CDH6: variants seen among roughly 807,000 people sequenced by gnomAD.
CDH6 encodes cadherin 6, also known as cadherin-6.
In CDH6, 31 loss-of-function variants were observed where a neutral mutation model predicts 78.0. The observed-to-expected ratio is 0.40, with a 90% CI of 0.30 to 0.54. The LOEUF (loss-of-function observed/expected upper bound fraction) is 0.54. Among genes scored for constraint, CDH6 ranks in the 20% least tolerant of loss-of-function variants. The pLI is 0.56. For missense variants in CDH6, 724 were observed against 975.9 expected (o/e 0.74, Z 3.44); for synonymous variants, 376 against 368.8 (o/e 1.02, Z -0.23).
chr5:31,309,556 C>T (rs1738086618), intron 7 of CDH6, among the ~76,000 whole-genome samples: 1 of 151,270 alleles, frequency 6.6e-6, no homozygotes, highest in Admixed American at 6.6e-5. Context: ...GTTTTTTTTT[C>T]TAATGGCCTT....
At chr5:31,235,143 C>A (rs1008967543) in intron 1 of CDH6, among the ~76,000 whole-genome samples, 2 of 151,224 alleles carry the variant, frequency 1.3e-5, no homozygotes, top group Non-Finnish European at 2.9e-5. Context: ...ATCACCCATT[C>A]AATCCTAGAT....
rs531316138 is a variant in CDH6 at position 31,328,436 on chromosome 5, G to A, written c.*5128G>A. The A allele has an allele frequency of 3.2e-4, 66 of 205,464 alleles. No individual in the cohort carries two copies. The highest frequency in any genetic ancestry group is 5.4e-4 in the Non-Finnish European group (54 of 100,344). The allele number at this position is 205,464 out of a possible 1,614,324, so 12.7% of individuals were successfully genotyped here. On this transcript the variant is annotated 3_prime_UTR_variant, in exon 12 of 12. Transcript: ENST00000265071. Reference sequence around the variant, plus strand: ...AAATGTATAGAATTACCAGGCATTCGTGGGGAATGCTGTGTAGCAAATGTA... The same window carrying A: ...AAATGTATAGAATTACCAGGCATTCATGGGGAATGCTGTGTAGCAAATGTA...
Position 31,323,879 on chromosome 5 carries a change from T to G in CDH6, c.*571T>G, listed in dbSNP as rs939329547. 4.4e-6 allele frequency: 1 copy of G among 229,700 alleles called. No individual in the cohort carries two copies. Among genetic ancestry groups the G allele is most frequent in the Non-Finnish European group, 8.6e-6 (1 of 115,880 alleles). The allele number at this position is 229,700 out of a possible 1,614,324, so 14.2% of individuals were successfully genotyped here. A position where few individuals can be genotyped will look rare whatever the true frequency, so the allele number is the denominator to read the frequency against. The stretch of plus-strand genomic sequence containing the variant: ...ATTCAAAACCTCAAATCCACCCATA[T>G]GTTAAAATTCTCATTACTCTTAAGG... On this transcript the variant is annotated 3_prime_UTR_variant, in exon 12 of 12. Coordinates refer to ENST00000265071, the MANE Select transcript of CDH6 (RefSeq NM_004932.4).
intron 5 of CDH6, 51 bp downstream of exon 5, chr5:31,299,682 G>T (rs774413104): frequency 6.8e-7 from 1 of 1,471,768 alleles, no homozygotes; most frequent in Non-Finnish European, 9.4e-7. Flanking sequence ...TATAAAACTC[G>T]AACTTTAAGA....
intron 1 of CDH6, among the ~76,000 whole-genome samples, chr5:31,202,674 T>C (rs1244905149): frequency 6.8e-6 from 1 of 147,196 alleles, no homozygotes; most frequent in Non-Finnish European, 1.5e-5. Context: ...TATATATATA[T>C]GCAACTGTAT....
chr5:31,254,232 T>G (rs1229011700), intron 1 of CDH6, among the ~76,000 whole-genome samples: 1 of 152,258 alleles, frequency 6.6e-6, no homozygotes, highest in Admixed American at 6.5e-5. Flanking sequence ...TTTTATATTT[T>G]AATGCCCTAA....
At chr5:31,313,289 C>A in intron 7 of CDH6, 29 bp from the exon 8 acceptor site, 1 of 1,586,470 alleles carries the variant, frequency 6.3e-7, no homozygotes, top group South Asian at 1.1e-5. Flanking sequence ...GAAAGAAAAG[C>A]CTTTCTTAAT....
At chr5:31,316,041 C>A (rs964867329) in intron 8 of CDH6, among the ~76,000 whole-genome samples, 167 bp from the exon 9 acceptor site, 3 of 152,206 alleles carry the variant, frequency 2.0e-5, no homozygotes, top group Non-Finnish European at 4.4e-5. Flanking sequence ...ATGTACCAAA[C>A]AATCTAATTG....
chr5:31,196,341 AG>A (rs1158607972), intron 1 of CDH6, among the ~76,000 whole-genome samples: 2 of 152,256 alleles, frequency 1.3e-5, no homozygotes, highest in Admixed American at 1.3e-4. Context: ...TCTGAAAATT[AG>A]GACTAATTGA....
intron 2 of CDH6, among the ~76,000 whole-genome samples, chr5:31,275,183 G>A (rs1182046140): frequency 1.3e-5 from 2 of 152,094 alleles, no homozygotes; most frequent in Admixed American, 6.6e-5. Flanking sequence ...TCAAAATCAA[G>A]ATCTCTAATT....
At position 31,319,819 on chromosome 5, in the gene CDH6, A is replaced by G. The variant is rs566582500; in HGVS notation, c.1882+1895A>G. ...CAACAGTAAAAACAACTAGACAACT[A>G]CTACATCTCATGTCTTATGGTGCCT... On this transcript the variant is annotated intron_variant, in intron 11 of 11. Coordinates refer to ENST00000265071, the MANE Select transcript of CDH6 (RefSeq NM_004932.4). Among the ~76,000 whole-genome samples, 173 of 152,238 alleles carry G rather than the reference A, an allele frequency of 1.1e-3. 1 individual carries two copies. The highest frequency in any genetic ancestry group is 3.1e-3 in the Admixed American group (47 of 15,288).
chr5:31,209,277 G>A (rs1028190796), intron 1 of CDH6, among the ~76,000 whole-genome samples: 4 of 152,130 alleles, frequency 2.6e-5, no homozygotes, highest in African/African-American at 9.7e-5. Context: ...AGGAAAAGGA[G>A]TAGAAACTAC....
Position 31,287,638 on chromosome 5 carries a change from G to A in CDH6, c.229-6324G>A, listed in dbSNP as rs143423816. Among the ~76,000 whole-genome samples, 311 of 152,296 alleles carry A rather than the reference G, an allele frequency of 2.0e-3. 2 individuals carry two copies. In the South Asian group the frequency reaches 0.022, roughly 11 times the overall value. ...AAATTTACACTCACCTCTTTCCCTT[G>A]CCTGTGTCCATGCTAGTAAGTACTA... On this transcript the variant is annotated intron_variant, in intron 2 of 11. Coordinates refer to ENST00000265071, the MANE Select transcript of CDH6 (RefSeq NM_004932.4).
chr5:31,310,043 C>T (rs1157077515), intron 7 of CDH6, among the ~76,000 whole-genome samples: 4 of 152,284 alleles, frequency 2.6e-5, no homozygotes, highest in South Asian at 4.1e-4. Flanking sequence ...CCCAACAGTC[C>T]CCCAAAGTCT....
chr5:31,242,704 G>GGT (rs142319188), intron 1 of CDH6, among the ~76,000 whole-genome samples: 9,450 of 150,854 alleles, frequency 0.063, 641 homozygotes, highest in East Asian at 0.37. Context: ...ATAAGAATGG[G>GGT]GGGGGGCGGT....
chr5:31,204,834 C>A (rs1440634827), intron 1 of CDH6, among the ~76,000 whole-genome samples: 2 of 152,032 alleles, frequency 1.3e-5, no homozygotes, highest in East Asian at 3.9e-4. Flanking sequence ...TTAAACTCCA[C>A]AATCAAAAAA....
intron 1 of CDH6, among the ~76,000 whole-genome samples, chr5:31,225,188 A>G (rs1741115598): frequency 6.6e-6 from 1 of 152,188 alleles, no homozygotes; most frequent in African/African-American, 2.4e-5. Context: ...TCTGGTAATC[A>G]TGCCTTTTTA....
intron 1 of CDH6, among the ~76,000 whole-genome samples, chr5:31,200,383 G>A (rs73089306): frequency 0.031 from 4,781 of 152,016 alleles, 181 homozygotes; most frequent in African/African-American, 0.084. Flanking sequence ...TTCTCAGCTC[G>A]TTGACATTAC....
intron 2 of CDH6, among the ~76,000 whole-genome samples, chr5:31,293,128 A>G (rs1302972294): frequency 6.6e-6 from 1 of 152,040 alleles, no homozygotes; most frequent in African/African-American, 2.4e-5. Context: ...ACTGACAGTT[A>G]GTCATCAGAG....
Sources: allele counts gnomAD v4.1 joint callset (sites outside exome capture counted in the v4.1 genomes callset), GRCh38; gene constraint gnomAD v4.1.1; transcripts MANE v1.5; gene names NCBI Gene and HGNC (gene_info 2026-07-23, HGNC 2026-07-21).